MYO3B: variants seen among roughly 807,000 people sequenced by gnomAD.
MYO3B encodes myosin IIIB.
MYO3B carries 156 observed loss-of-function variants against 174.6 expected under a neutral mutation model. The observed-to-expected ratio is 0.89, with a 90% CI of 0.78 to 1.02. The LOEUF is 1.02. MYO3B is among the 50% of genes least tolerant of loss of function. The probability of loss-of-function intolerance (pLI) is 0.00; values close to 1 mark genes in which losing one functional copy is unlikely to be tolerated. For synonymous variants in MYO3B, 563 were observed against 569.1 expected (o/e 0.99, Z 0.15); for missense variants, 1,632 against 1,639.4 (o/e 1.00, Z 0.08).
At chr2:170,485,278 A>G (rs1461675223) in intron 25 of MYO3B, among the ~76,000 whole-genome samples, 2 of 152,104 alleles carry the variant, frequency 1.3e-5, no homozygotes, top group Admixed American at 6.6e-5. Context: ...ATTTTTAAGT[A>G]TCACATATAA....
chr2:170,300,110 G>C (rs949960259), intron 7 of MYO3B, among the ~76,000 whole-genome samples: 3 of 152,216 alleles, frequency 2.0e-5, no homozygotes, highest in African/African-American at 7.2e-5. Context: ...GCAGACATTA[G>C]AGATGCTCAG....
chr2:170,304,462 CTTTTTCTTTTTTT>C (rs749619565), intron 7 of MYO3B, among the ~76,000 whole-genome samples: 2 of 143,128 alleles, frequency 1.4e-5, no homozygotes, highest in Non-Finnish European at 3.1e-5. Context: ...TTTCTTTTTT[CTTTTTCTTTTTTT>C]TTTTTTTGAG....
At chr2:170,465,782 C>T (rs1186024729) in intron 24 of MYO3B, among the ~76,000 whole-genome samples, 4 of 152,176 alleles carry the variant, frequency 2.6e-5, no homozygotes, top group African/African-American at 9.7e-5. Context: ...CAATTTTGAT[C>T]TGTAGGAGCA....
At chr2:170,240,459 C>G (rs2093118740) in intron 7 of MYO3B, among the ~76,000 whole-genome samples, 1 of 152,142 alleles carries the variant, frequency 6.6e-6, no homozygotes, top group Admixed American at 6.5e-5. Flanking sequence ...TGAGAAAACT[C>G]AAGGATGTTA....
chr2:170,352,738 C>G (rs2094085476), intron 8 of MYO3B, among the ~76,000 whole-genome samples: 1 of 152,202 alleles, frequency 6.6e-6, no homozygotes, highest in African/African-American at 2.4e-5. Context: ...GTCTAGTAAG[C>G]TTATGCATGC....
At chr2:170,218,920 AAGCTCTTAATATTCC>A (rs1408700012) in intron 6 of MYO3B, among the ~76,000 whole-genome samples, 9 of 152,206 alleles carry the variant, frequency 5.9e-5, no homozygotes, top group South Asian at 2.1e-4. Context: ...ATTTTGAATA[AAGCTCTTAATATTCC>A]AGCCCCTATC....
chr2:170,306,225 C>G (rs953099553), intron 7 of MYO3B, among the ~76,000 whole-genome samples: 1 of 152,146 alleles, frequency 6.6e-6, no homozygotes, highest in African/African-American at 2.4e-5. Flanking sequence ...GTGGAGGCTG[C>G]CATTCTTTGA....
In MYO3B at chr2:170,654,407, A is replaced by T. The variant is rs930209040; in HGVS notation, c.*1286A>T. On this transcript the variant is annotated 3_prime_UTR_variant, in exon 35 of 35. Transcript: ENST00000408978. ...AATCCCAGCACTTTGGGAGGCCAAG[A>T]TGGGCGGATCATGAAGTCAGGAGTT... 2 of 152,032 alleles carry T rather than the reference A, an allele frequency of 1.3e-5. No individual in the cohort carries two copies. Among genetic ancestry groups the T allele is most frequent in the African/African-American group, 4.8e-5 (2 of 41,402 alleles). 9.4% of individuals were successfully genotyped at this position (152,032 alleles called of 1,614,324 possible).
At chr2:170,487,185 T>C (rs1686122347) in intron 25 of MYO3B, among the ~76,000 whole-genome samples, 1 of 152,212 alleles carries the variant, frequency 6.6e-6, no homozygotes, top group Admixed American at 6.5e-5. Flanking sequence ...CCCAGCCTCT[T>C]CATCAGTTTC....
At chr2:170,199,705 A>G (rs1003264914) in intron 2 of MYO3B, among the ~76,000 whole-genome samples, 1 of 152,170 alleles carries the variant, frequency 6.6e-6, no homozygotes, top group Admixed American at 6.5e-5. Flanking sequence ...CAGACTTGTG[A>G]TATTCAATCA....
At chr2:170,604,779 T>C (rs1409415456) in intron 32 of MYO3B, among the ~76,000 whole-genome samples, 2 of 152,190 alleles carry the variant, frequency 1.3e-5, no homozygotes, top group Admixed American at 6.5e-5. Flanking sequence ...TTAAGGAACA[T>C]GGTATTTCAG....
intron 7 of MYO3B, among the ~76,000 whole-genome samples, chr2:170,307,585 G>A (rs2093709551): frequency 6.6e-6 from 1 of 152,114 alleles, no homozygotes; most frequent in Non-Finnish European, 1.5e-5. Context: ...AGTGTTGCAG[G>A]ACAGGGGGGC....
intron 25 of MYO3B, among the ~76,000 whole-genome samples, chr2:170,467,141 G>A (rs749687886): frequency 5.3e-5 from 8 of 152,052 alleles, no homozygotes; most frequent in Non-Finnish European, 8.8e-5. Context: ...ACATTTTAGG[G>A]CACTATTCTA....
At chr2:170,459,429 A>G (rs1684115947) in intron 23 of MYO3B, among the ~76,000 whole-genome samples, 2 of 152,168 alleles carry the variant, frequency 1.3e-5, no homozygotes, top group African/African-American at 4.8e-5. Context: ...AGTCCCCACT[A>G]GATTAGCTAG....
intron 25 of MYO3B, among the ~76,000 whole-genome samples, chr2:170,497,573 G>A (rs905671678): frequency 5.3e-5 from 8 of 151,770 alleles, no homozygotes; most frequent in African/African-American, 1.9e-4. Flanking sequence ...AGCTGAGATC[G>A]CGCCACTGCA....
intron 22 of MYO3B, among the ~76,000 whole-genome samples, chr2:170,441,820 A>G (rs1282645233): frequency 2.6e-5 from 4 of 152,280 alleles, no homozygotes; most frequent in South Asian, 2.1e-4. Flanking sequence ...TTTCATTGCC[A>G]TCTTGGTTTC....
intron 2 of MYO3B, 25 bp downstream of exon 2, chr2:170,199,416 C>G: frequency 6.5e-7 from 1 of 1,543,320 alleles, no homozygotes; most frequent in African/African-American, 1.4e-5. Context: ...TAAATTATAA[C>G]CAGAATTTGG....
intron 28 of MYO3B, among the ~76,000 whole-genome samples, chr2:170,510,076 A>C (rs749449689): frequency 6.6e-6 from 1 of 152,246 alleles, no homozygotes; most frequent in Non-Finnish European, 1.5e-5. Flanking sequence ...AAGTTGTGAC[A>C]GTTGAGATGT....
intron 9 of MYO3B, among the ~76,000 whole-genome samples, chr2:170,370,759 G>A (rs2094236506): frequency 6.6e-6 from 1 of 151,914 alleles, no homozygotes; most frequent in African/African-American, 2.4e-5. Flanking sequence ...AAGGGTATGA[G>A]TCAAATCCAG....
Sources: gnomAD v4.1 joint callset for allele counts (sites outside exome capture counted in the v4.1 genomes callset) on GRCh38, gnomAD v4.1.1 for gene constraint, MANE v1.5 for transcripts, NCBI Gene and HGNC (gene_info 2026-07-23, HGNC 2026-07-21) for gene names.